The following LMO7 variants were observed in gnomAD, a reference collection of about 807,000 sequenced individuals.
LMO7 encodes LIM domain only protein 7.
Under a neutral mutation model 206.5 loss-of-function variants are expected in LMO7, and 120 were observed. The ratio of observed to expected loss-of-function variants is 0.58; its 90% confidence interval spans 0.50 to 0.68. LMO7 has a LOEUF of 0.68. LMO7 is among the 30% of genes least tolerant of loss of function. The pLI, the probability that LMO7 is intolerant of heterozygous loss-of-function variation, is 0.00. For synonymous variants in LMO7, 706 were observed against 681.5 expected (o/e 1.04, Z -0.56); for missense variants, 1,959 against 1,957.9 (o/e 1.00, Z -0.01).
intron 1 of LMO7, chr13:75,622,210 AC>A (rs1213877359): frequency 6.2e-6 from 1 of 160,668 alleles, no homozygotes; most frequent in African/African-American, 2.4e-5. Context: ...TTCAACCTGA[AC>A]TTTTGTTGTC....
rs1167409935 is a variant in LMO7 at position 75,807,721 on chromosome 13, G to A, written c.1438G>A (p.Ala480Thr). ...AFHANPYVLR[A>T]FEDFRKFSEQ... ...CCATGCAAATCCATATGTTCTCCGA[G>A]CTTTTGAAGACTTTAGAAAGTTCTC... The change falls in exon 10 of 31, where the codon GCT becomes ACT. Residue 480 changes from alanine (A) to threonine (T), a missense_variant. By Grantham distance (58) the Ala-to-Thr change is moderately conservative (BLOSUM62 0). Transcript: ENST00000377534. 1.2e-6 allele frequency: 2 copies of A among 1,613,946 alleles called. No individual in the cohort carries two copies. Among genetic ancestry groups the A allele is most frequent in the Non-Finnish European group, 1.7e-6 (2 of 1,179,894 alleles).
chr13:75,834,420 G>A (rs767668441), intron 17 of LMO7, 33 bp downstream of exon 17: 6 of 1,503,772 alleles, frequency 4.0e-6, no homozygotes, highest in Middle Eastern at 1.8e-4. Flanking sequence ...TCTGGCATTT[G>A]AAACTGGGAC....
intron 25 of LMO7, 63 bp from the exon 26 acceptor site, chr13:75,845,264 T>C: frequency 1.3e-6 from 1 of 791,894 alleles, no homozygotes; most frequent in Non-Finnish European, 1.9e-6. Context: ...GTGTTTTTAC[T>C]TCATAAATAT....
rs548380198 is a variant in LMO7 at position 75,658,777 on chromosome 13, G to A, written c.69+22051G>A. Among the ~76,000 whole-genome samples, 115 of 151,204 alleles carry A rather than the reference G, an allele frequency of 7.6e-4. 1 individual carries two copies. The highest frequency in any genetic ancestry group is 1.9e-3 in the South Asian group (9 of 4,762). ...TTTTTTTTTTTGTATTTTTAGTAGA[G>A]ACGGGGTTTCACTGTGTTAGCCAGG... is the stretch of plus-strand genomic sequence containing the variant. On this transcript the variant is annotated intron_variant, in intron 1 of 30. Transcript: ENST00000377534.
At chr13:75,665,166 G>C (rs1032264881) in intron 1 of LMO7, among the ~76,000 whole-genome samples, 4 of 151,624 alleles carry the variant, frequency 2.6e-5, no homozygotes, top group South Asian at 2.1e-4. Context: ...GTTACCCTTG[G>C]GTAGAATATC....
intron 19 of LMO7, 122 bp from the exon 20 acceptor site, chr13:75,838,018 C>CAGTTTTGT (rs2059265497): frequency 6.4e-6 from 4 of 621,406 alleles, no homozygotes; most frequent in Middle Eastern, 4.3e-4. Flanking sequence ...CTATGGCTAT[C>CAGTTTTGT]AGTTTTGTGA....
intron 3 of LMO7, among the ~76,000 whole-genome samples, chr13:75,730,394 A>T (rs895239705): frequency 1.3e-5 from 2 of 152,080 alleles, no homozygotes; most frequent in Admixed American, 1.3e-4. Flanking sequence ...CATTTCTTCT[A>T]GATTTTCTAG....
At chr13:75,725,942 T>C (rs2138556500) in intron 2 of LMO7, among the ~76,000 whole-genome samples, 1 of 152,052 alleles carries the variant, frequency 6.6e-6, no homozygotes, top group African/African-American at 2.4e-5. Flanking sequence ...AGTGTGTATA[T>C]ATAAGTCTTT....
At chr13:75,829,309 G>T (rs1309924657) in intron 15 of LMO7, among the ~76,000 whole-genome samples, 2 of 152,160 alleles carry the variant, frequency 1.3e-5, no homozygotes, top group Non-Finnish European at 2.9e-5. Flanking sequence ...AGTGGGCAGT[G>T]CCTGGAGGGA....
intron 1 of LMO7, among the ~76,000 whole-genome samples, chr13:75,704,281 G>A (rs1370820563): frequency 6.6e-6 from 1 of 152,188 alleles, no homozygotes; most frequent in Non-Finnish European, 1.5e-5. Flanking sequence ...ATTGTTTCAT[G>A]ATGTGGTTCG....
rs1256284376 is a variant in LMO7, at chr13:75,726,260, GA to G, written c.141-763del. Among the ~76,000 whole-genome samples the G allele has an allele frequency of 2.6e-5, 4 of 151,970 alleles. No homozygotes were observed. The East Asian group carries it at 7.7e-4, about 29-fold the overall frequency. On this transcript the variant is annotated intron_variant, in intron 2 of 30. Coordinates refer to ENST00000377534, the MANE Select transcript of LMO7 (RefSeq NM_001306080.2). The stretch of plus-strand genomic sequence containing the variant: ...GGCACAGTGTCAGTGAACAAATCAA[GA>G]AAAAAGAATTCATAATAATCTAGAT...
At chr13:75,852,986 C>A in intron 27 of LMO7, 106 bp from the exon 28 acceptor site, 1 of 872,670 alleles carries the variant, frequency 1.1e-6, no homozygotes, top group Non-Finnish European at 1.7e-6. Context: ...GATTAATATC[C>A]ACATATAAAA....
intron 1 of LMO7, among the ~76,000 whole-genome samples, chr13:75,643,797 T>A (rs1328314846): frequency 6.6e-6 from 1 of 152,200 alleles, no homozygotes; most frequent in Non-Finnish European, 1.5e-5. Context: ...CTCTGGTGAA[T>A]TACAGCACAG....
chr13:75,812,082 T>A (rs984250766), intron 11 of LMO7, among the ~76,000 whole-genome samples: 1 of 152,154 alleles, frequency 6.6e-6, no homozygotes, highest in Admixed American at 6.5e-5. Context: ...TCTGGAGGCA[T>A]TTTTTATTGT....
At chr13:75,706,902 T>C (rs1400117548) in intron 1 of LMO7, among the ~76,000 whole-genome samples, 1 of 152,120 alleles carries the variant, frequency 6.6e-6, no homozygotes, top group East Asian at 1.9e-4. Flanking sequence ...GGAGGTTTTG[T>C]AACTTTCTAG....
chr13:75,806,344 G>A, intron 9 of LMO7: 1 of 685,788 alleles, frequency 1.5e-6, no homozygotes, highest in Non-Finnish European at 1.8e-6. Flanking sequence ...CATTAGCCTG[G>A]GACCTGATTG....
chr13:75,647,955 T>TC (rs1173594060), intron 1 of LMO7, among the ~76,000 whole-genome samples: 3 of 78,174 alleles, frequency 3.8e-5, no homozygotes, highest in Non-Finnish European at 9.6e-5. Flanking sequence ...TTCTTTCTTT[T>TC]TTTTTTTTTT....
At chr13:75,846,916 A>G (rs1443137988) in intron 26 of LMO7, among the ~76,000 whole-genome samples, 7 of 152,000 alleles carry the variant, frequency 4.6e-5, no homozygotes, top group Non-Finnish European at 8.8e-5. Context: ...CTGTAATCCC[A>G]GCTACTCAGG....
chr13:75,709,909 T>G (rs1462777272), intron 1 of LMO7, among the ~76,000 whole-genome samples: 2 of 152,238 alleles, frequency 1.3e-5, no homozygotes, highest in Non-Finnish European at 2.9e-5. Context: ...CTAGGTTTTC[T>G]TCTAGGGTTT....
Sources: allele counts gnomAD v4.1 joint callset (sites outside exome capture counted in the v4.1 genomes callset), GRCh38; gene constraint gnomAD v4.1.1; transcripts MANE v1.5; gene names NCBI Gene and HGNC (gene_info 2026-07-23, HGNC 2026-07-21).